The following NFATC1 variants were observed in gnomAD, a reference collection of about 807,000 sequenced individuals.
NFATC1 encodes the protein nuclear factor of activated T-cells, cytoplasmic 1.
A neutral mutation model predicts 76.0 loss-of-function variants in NFATC1; 22 were observed. The ratio of observed to expected loss-of-function variants is 0.29; its 90% confidence interval spans 0.21 to 0.41. The LOEUF (loss-of-function observed/expected upper bound fraction) is 0.41, where lower values mean the gene tolerates loss of function less well. NFATC1 is among the 10% of genes least tolerant of loss of function. NFATC1 has a pLI of 1.00. For synonymous variants in NFATC1, 704 were observed against 613.1 expected (o/e 1.15, Z -2.19); for missense variants, 1,357 against 1,337.7 (o/e 1.01, Z -0.23).
Position 79,441,630 on chromosome 18 carries a change from A to T in NFATC1, c.1387-7152A>T, listed in dbSNP as rs540666123. Among the ~76,000 whole-genome samples, 5 of 152,192 alleles carry T rather than the reference A, an allele frequency of 3.3e-5. No homozygotes were observed. In the East Asian group the frequency reaches 7.7e-4, roughly 24 times the overall value. On this transcript the variant is annotated intron_variant, in intron 3 of 9. Transcript: ENST00000427363. ...AGACTGGGGAGAAGTGCTGAGCGGA[A>T]ACCACCTCACTTCTGACAAATGACA...
chr18:79,423,652 C>G (rs2086178844), intron 2 of NFATC1, among the ~76,000 whole-genome samples: 1 of 152,142 alleles, frequency 6.6e-6, no homozygotes, highest in Non-Finnish European at 1.5e-5. Context: ...CAGGGGCTGC[C>G]CCTGCATCCT....
intron 9 of NFATC1, among the ~76,000 whole-genome samples, chr18:79,494,900 T>C (rs1253950457): frequency 4.2e-5 from 6 of 144,388 alleles, no homozygotes; most frequent in African/African-American, 1.5e-4. Flanking sequence ...ATGAACCTGG[T>C]ACCGCCGGGG....
At chr18:79,427,158 G>C (rs530904052) in intron 2 of NFATC1, among the ~76,000 whole-genome samples, 5 of 152,216 alleles carry the variant, frequency 3.3e-5, no homozygotes, top group Admixed American at 3.3e-4. Context: ...GTGTACCCAC[G>C]TGTCCGATGT....
chr18:79,510,216 G>A (rs567871857), intron 9 of NFATC1, among the ~76,000 whole-genome samples: 57 of 152,304 alleles, frequency 3.7e-4, no homozygotes, highest in Non-Finnish European at 6.2e-4. Flanking sequence ...CCGCAGCCGT[G>A]GTGAGGTTCG....
At chr18:79,449,701 G>A (rs1258632793) in intron 4 of NFATC1, among the ~76,000 whole-genome samples, 1 of 152,200 alleles carries the variant, frequency 6.6e-6, no homozygotes, top group African/African-American at 2.4e-5. Flanking sequence ...GTCCTGCGAG[G>A]GTGACCCGCA....
chr18:79,460,080 G>C (rs1278572312), intron 6 of NFATC1, among the ~76,000 whole-genome samples: 1 of 152,184 alleles, frequency 6.6e-6, no homozygotes, highest in East Asian at 1.9e-4. Flanking sequence ...TCATCTGGTG[G>C]GTAATTTGCG....
intron 6 of NFATC1, among the ~76,000 whole-genome samples, chr18:79,454,688 G>C (rs1429836834): frequency 6.6e-6 from 1 of 152,168 alleles, no homozygotes; most frequent in Non-Finnish European, 1.5e-5. Flanking sequence ...CAGCTTCCTC[G>C]GAAAACGACA....
At position 79,486,396 on chromosome 18, in the gene NFATC1, C is replaced by G. The variant is rs200186207; in HGVS notation, c.2241C>G (p.Gly747=). 19 of 1,612,884 alleles carry G rather than the reference C, an allele frequency of 1.2e-5. No individual in the cohort carries two copies. The highest frequency in any genetic ancestry group is 1.6e-5 in the Non-Finnish European group (19 of 1,179,970). ...PPDPSSCLVA[G]FPPCPQRSTL... ...ACCCCAGCTCCTGCCTCGTGGCCGG[C>G]TTCCCGCCCTGTCCGCAGAGAAGCA... Residue 747 remains glycine (G), a synonymous_variant, in exon 9 of 10, where the codon GGC becomes GGG. Transcript: ENST00000427363.
At chr18:79,514,672 C>G (rs1355509818) in intron 9 of NFATC1, among the ~76,000 whole-genome samples, 1 of 151,552 alleles carries the variant, frequency 6.6e-6, no homozygotes, top group Non-Finnish European at 1.5e-5. Flanking sequence ...TCTTACATAG[C>G]CACAGTGCAA....
At chr18:79,472,211 G>A (rs746948658) in intron 8 of NFATC1, among the ~76,000 whole-genome samples, 1 of 152,148 alleles carries the variant, frequency 6.6e-6, no homozygotes, top group African/African-American at 2.4e-5. Context: ...ACCACCCAGG[G>A]TCGACAGCTG....
chr18:79,418,543 GTCA>G (rs1210744165), intron 2 of NFATC1, among the ~76,000 whole-genome samples: 19 of 152,230 alleles, frequency 1.2e-4, no homozygotes, highest in Admixed American at 1.2e-3. Flanking sequence ...GCCTTCTGGG[GTCA>G]GAGCCCAGTC....
chr18:79,440,236 C>T (rs928172024), intron 3 of NFATC1, among the ~76,000 whole-genome samples: 7 of 152,180 alleles, frequency 4.6e-5, no homozygotes, highest in African/African-American at 9.7e-5. Context: ...TAAGATGACG[C>T]GTGGGCTCTG....
chr18:79,469,424 C>G (rs2088682429), intron 8 of NFATC1: 4 of 985,432 alleles, frequency 4.1e-6, no homozygotes, highest in Non-Finnish European at 4.8e-6. Flanking sequence ...CTGCCCTTCA[C>G]AGGTGGGAGG....
intron 3 of NFATC1, among the ~76,000 whole-genome samples, chr18:79,437,273 A>G (rs1044666982): frequency 2.5e-4 from 38 of 152,332 alleles, no homozygotes; most frequent in African/African-American, 7.9e-4. Flanking sequence ...CTCCTGGGAA[A>G]CCAAAGATGA....
chr18:79,500,204 AT>A (rs2089984346), intron 9 of NFATC1, among the ~76,000 whole-genome samples: 1 of 152,196 alleles, frequency 6.6e-6, no homozygotes, highest in Non-Finnish European at 1.5e-5. Context: ...ATTTCAAAAT[AT>A]TCTGATTGCA....
chr18:79,406,406 G>A (rs1016176245), intron 1 of NFATC1, among the ~76,000 whole-genome samples: 25 of 152,046 alleles, frequency 1.6e-4, no homozygotes, highest in African/African-American at 4.8e-4. Flanking sequence ...AGAGGAAGTC[G>A]GGGTGTGGGA....
At chr18:79,492,332 G>A (rs1378948488) in intron 9 of NFATC1, among the ~76,000 whole-genome samples, 1 of 152,204 alleles carries the variant, frequency 6.6e-6, no homozygotes, top group East Asian at 1.9e-4. Flanking sequence ...GGAGGCCTAG[G>A]TGGGTGGATC....
intron 6 of NFATC1, among the ~76,000 whole-genome samples, chr18:79,454,469 G>A (rs951862939): frequency 2.6e-5 from 4 of 152,192 alleles, no homozygotes; most frequent in South Asian, 4.1e-4. Flanking sequence ...GGGAGTCCCC[G>A]CAGCAGGGCT....
At chr18:79,469,611 A>C (rs1600836931) in intron 8 of NFATC1, 2 of 984,598 alleles carry the variant, frequency 2.0e-6, no homozygotes, top group Non-Finnish European at 2.4e-6. Flanking sequence ...TCTCTCCTGC[A>C]CCCCCTGCCC....
Sources: allele counts gnomAD v4.1 joint callset (sites outside exome capture counted in the v4.1 genomes callset), GRCh38; gene constraint gnomAD v4.1.1; transcripts MANE v1.5; gene names NCBI Gene and HGNC (gene_info 2026-07-23, HGNC 2026-07-21).